Variants in RSPH3 observed in about 807,000 individuals in gnomAD.
RSPH3 encodes the protein radial spoke head protein 3 homolog.
Under a neutral mutation model 43.8 loss-of-function variants are expected in RSPH3, and 21 were observed. The ratio of observed to expected loss-of-function variants is 0.48; its 90% CI spans 0.34 to 0.69. The LOEUF is 0.69. Among genes scored for constraint, RSPH3 ranks in the 30% least tolerant of loss-of-function variants. The probability of loss-of-function intolerance (pLI) is 0.01; values close to 1 mark genes in which losing one functional copy is unlikely to be tolerated. For missense variants in RSPH3, 487 were observed against 516.0 expected (o/e 0.94, Z 0.54); for synonymous variants, 173 against 179.8 (o/e 0.96, Z 0.30).
rs1310385774 is a variant in RSPH3, at chr6:158,989,880, A to G, written c.205-3459T>C. 6.6e-6 allele frequency among the ~76,000 whole-genome samples: 1 copy of G among 152,222 alleles called. No individual in the cohort carries two copies. The highest frequency in any genetic ancestry group is 1.5e-5 in the Non-Finnish European group (1 of 68,034). ...CTGGGTGTGTCTCAGGGTGTTGCCA[A>G]AAGAGACTATCATCTGAGTCAGTAG... is the stretch of plus-strand genomic sequence containing the variant. On this transcript the variant is annotated intron_variant, in intron 2 of 7. Transcript: ENST00000367069. The surrounding 1 kb of genome is among the most constrained non-coding windows in gnomAD (Gnocchi z 4.3).
chr6:158,992,002 T>G (rs1418820550), intron 2 of RSPH3, among the ~76,000 whole-genome samples: 1 of 151,598 alleles, frequency 6.6e-6, no homozygotes, highest in Non-Finnish European at 1.5e-5. Flanking sequence ...TATTATAAAA[T>G]AGGCTTTGTG....
At chr6:158,971,539 T>C (rs950272631), downstream of RSPH3, among the ~76,000 whole-genome samples, 2 of 152,224 alleles carry the variant, frequency 1.3e-5, no homozygotes, top group Admixed American at 6.5e-5. Context: ...GCTATACTTT[T>C]TGAGTTGCCT....
intron 2 of RSPH3, 68 bp from the exon 3 acceptor site, chr6:158,986,489 C>G (rs1778243349): frequency 7.5e-7 from 1 of 1,326,690 alleles, no homozygotes; most frequent in Non-Finnish European, 1.0e-6. Context: ...AACTGCCATT[C>G]CAAAAGCAAT....
At chr6:158,998,005 C>A (rs1778654851) in intron 1 of RSPH3, among the ~76,000 whole-genome samples, 1 of 146,812 alleles carries the variant, frequency 6.8e-6, no homozygotes, top group Non-Finnish European at 1.5e-5. Flanking sequence ...TAAGTGCTTA[C>A]TATGTACCAG....
the RSPH3 span, among the ~76,000 whole-genome samples, chr6:158,963,279 T>A: frequency 6.6e-6 from 1 of 152,130 alleles, no homozygotes; most frequent in East Asian, 1.9e-4. Context: ...TTTTTTCTTT[T>A]TCATAATTTA....
In RSPH3 at chr6:158,982,563, C is replaced by T. The variant is rs748840496; in HGVS notation, c.618G>A (p.Glu206=). The change falls in exon 5 of 8, where the codon GAG becomes GAA. Residue 206 remains glutamate, a synonymous_variant. Transcript: ENST00000367069. ...ELANLRASQR[E]YEELRNSERA... ...GTTCACTATTCCGTAGTTCTTCATA[C>T]TCACGCTGACTGGCCCGCAGGTTAG... 1.5e-5 allele frequency: 25 copies of T among 1,613,844 alleles called. No homozygotes were observed. In the African/African-American group the frequency reaches 1.6e-4, roughly 10 times the overall value.
At chr6:158,990,221 C>T (rs563454163) in intron 2 of RSPH3, among the ~76,000 whole-genome samples, 13 of 152,110 alleles carry the variant, frequency 8.5e-5, no homozygotes, top group Non-Finnish European at 1.6e-4. Context: ...TTCTGTCCCT[C>T]TAGAGAACCC....
chr6:158,976,268 T>C lies in RSPH3; in HGVS notation c.*1270A>G, dbSNP rs1198427089. ...GAAGACTTCAGTTATTGCTTACGAT[T>C]AGGAAGGCTTTGGAGAGAAAATAAC... is the stretch of plus-strand genomic sequence containing the variant. On this transcript the variant is annotated 3_prime_UTR_variant, in exon 8 of 8. Transcript: ENST00000367069. 6.6e-6 allele frequency: 1 copy of C among 152,184 alleles called. No individual in the cohort carries two copies. The highest frequency in any genetic ancestry group is 6.5e-5 in the Admixed American group (1 of 15,278). 9.4% of individuals were successfully genotyped at this position (152,184 alleles called of 1,614,324 possible). A position where few individuals can be genotyped will look rare whatever the true frequency, so the allele number is the denominator to read the frequency against.
rs1244482810 is a variant in RSPH3 at position 158,974,743 on chromosome 6, A to G, written c.*2795T>C. 6.6e-6 allele frequency: 1 copy of G among 152,198 alleles called. No homozygotes were observed. The highest frequency in any genetic ancestry group is 1.5e-5 in the Non-Finnish European group (1 of 68,038). The allele number at this position is 152,198 out of a possible 1,614,324, so 9.4% of individuals were successfully genotyped here. A position where few individuals can be genotyped will look rare whatever the true frequency, so the allele number is the denominator to read the frequency against. The stretch of plus-strand genomic sequence containing the variant: ...ATAAATTGAATTAATTTATGGATTT[A>G]TAGAGCATAGGTCTGGCATCTGCAA... On this transcript the variant is annotated 3_prime_UTR_variant, in exon 8 of 8. Transcript: ENST00000367069.
intron 1 of RSPH3, among the ~76,000 whole-genome samples, chr6:158,996,933 T>A (rs1030648976): frequency 4.6e-5 from 7 of 152,136 alleles, no homozygotes; most frequent in Non-Finnish European, 1.0e-4. Context: ...ATGAATGGCT[T>A]GGCACCAGTT....
downstream of RSPH3, among the ~76,000 whole-genome samples, chr6:158,970,439 G>T (rs1777682794): frequency 6.6e-6 from 1 of 152,132 alleles, no homozygotes; most frequent in African/African-American, 2.4e-5. Context: ...AGATCCTTAA[G>T]GTCAGTCAGA....
In RSPH3 at chr6:158,973,814, T is replaced by C. The variant is rs182932474; in HGVS notation, c.*3724A>G. On this transcript the variant is annotated 3_prime_UTR_variant, in exon 8 of 8. Coordinates refer to ENST00000367069, the MANE Select transcript of RSPH3 (RefSeq NM_031924.8). ...GTGATATGGGAATTTATGTTAAGAA[T>C]GACAATTTCTTTTTCTTTCTTTTTT... 3.3e-5 allele frequency: 5 copies of C among 152,228 alleles called. No individual in the cohort carries two copies. The highest frequency in any genetic ancestry group is 2.1e-4 in the South Asian group (1 of 4,830). 9.4% of individuals were successfully genotyped at this position (152,228 alleles called of 1,614,324 possible).
rs1222763893 is a variant in RSPH3 at position 158,974,570 on chromosome 6, A to T, written c.*2968T>A. 6.6e-6 allele frequency: 1 copy of T among 152,224 alleles called. No homozygotes were observed. The highest frequency in any genetic ancestry group is 2.4e-5 in the African/African-American group (1 of 41,454). The allele number at this position is 152,224 out of a possible 1,614,324, so 9.4% of individuals were successfully genotyped here. ...GTTTCCATTTAACATTCTTCTCTCC[A>T]GATAACATATAATGTGTTACCTCTA... is the stretch of plus-strand genomic sequence containing the variant. On this transcript the variant is annotated 3_prime_UTR_variant, in exon 8 of 8. Coordinates refer to ENST00000367069, the MANE Select transcript of RSPH3 (RefSeq NM_031924.8).
At position 158,973,660 on chromosome 6, in the gene RSPH3, T is replaced by A. The variant is rs934563939; in HGVS notation, c.*3878A>T. 2 of 152,206 alleles carry A rather than the reference T, an allele frequency of 1.3e-5. No individual in the cohort carries two copies. Among genetic ancestry groups the A allele is most frequent in the Non-Finnish European group, 2.9e-5 (2 of 68,052 alleles). The allele number at this position is 152,206 out of a possible 1,614,324, so 9.4% of individuals were successfully genotyped here. A position where few individuals can be genotyped will look rare whatever the true frequency, so the allele number is the denominator to read the frequency against. On this transcript the variant is annotated 3_prime_UTR_variant, in exon 8 of 8. Coordinates refer to ENST00000367069, the MANE Select transcript of RSPH3 (RefSeq NM_031924.8). The stretch of plus-strand genomic sequence containing the variant: ...TCAAGCCCAGTGGTCTGGCTTTGAA[T>A]CTGCTTTCAAACTCCACCTTGTGTT...
the RSPH3 span, among the ~76,000 whole-genome samples, chr6:158,965,925 G>C: frequency 8.5e-5 from 13 of 152,078 alleles, no homozygotes; most frequent in Non-Finnish European, 1.3e-4. Context: ...GGAAGTTTCT[G>C]TCTGTTCCTA....
intron 2 of RSPH3, chr6:158,990,719 T>TG (rs1156483614): frequency 7.9e-5 from 12 of 152,252 alleles, no homozygotes; most frequent in African/African-American, 2.2e-4. Context: ...TTTATCCTCT[T>TG]GGGGGGTCAC....
downstream of RSPH3, among the ~76,000 whole-genome samples, chr6:158,969,016 T>C (rs6909642): frequency 0.036 from 5,532 of 152,290 alleles, 320 homozygotes; most frequent in African/African-American, 0.13. Flanking sequence ...GATTGCTTTA[T>C]GATGTAACTG....
Position 158,976,514 on chromosome 6 carries a change from T to C in RSPH3, c.*1024A>G, listed in dbSNP as rs1257444849. The C allele has an allele frequency of 2.0e-5, 3 of 152,148 alleles. No homozygotes were observed. Among genetic ancestry groups the C allele is most frequent in the Non-Finnish European group, 4.4e-5 (3 of 68,028 alleles). The allele number at this position is 152,148 out of a possible 1,614,324, so 9.4% of individuals were successfully genotyped here. A position where few individuals can be genotyped will look rare whatever the true frequency, so the allele number is the denominator to read the frequency against. ...TATATTTATATAAAGAAAATCAAGC[T>C]ATATATTTCTAGATTTTCAAATACA... On this transcript the variant is annotated 3_prime_UTR_variant, in exon 8 of 8. Transcript: ENST00000367069.
chr6:158,983,497 T>C (rs1778108218), intron 4 of RSPH3, among the ~76,000 whole-genome samples, 165 bp downstream of exon 4: 1 of 152,210 alleles, frequency 6.6e-6, no homozygotes, highest in African/African-American at 2.4e-5. Context: ...TGTTAAAACA[T>C]TTCTGAGTAC....
Sources: gnomAD v4.1 joint callset for allele counts (sites outside exome capture counted in the v4.1 genomes callset) on GRCh38, gnomAD v4.1.1 for gene constraint, Gnocchi (gnomAD v3.1) non-coding constraint, MANE v1.5 for transcripts, NCBI Gene and HGNC (gene_info 2026-07-23, HGNC 2026-07-21) for gene names.